The following EPHA3 variants were observed in gnomAD, a reference collection of about 807,000 sequenced individuals.
The protein encoded by EPHA3 is ephrin type-A receptor 3.
In EPHA3, 42 loss-of-function variants were observed where a neutral mutation model predicts 107.1. That is an observed-to-expected ratio of 0.39 (90% confidence interval 0.31 to 0.51). The LOEUF is 0.51. Among genes scored for constraint, EPHA3 ranks in the 20% least tolerant of loss-of-function variants. The probability of loss-of-function intolerance (pLI) is 0.78; values close to 1 mark genes in which losing one functional copy is unlikely to be tolerated. For missense variants in EPHA3, 1,183 were observed against 1,211.2 expected (o/e 0.98, Z 0.35); for synonymous variants, 461 against 424.8 (o/e 1.09, Z -1.05).
intron 3 of EPHA3, among the ~76,000 whole-genome samples, chr3:89,326,841 G>GT (rs1455532215): frequency 3.6e-4 from 55 of 151,772 alleles, no homozygotes; most frequent in Admixed American, 3.6e-3. Context: ...TCCTCTTTCT[G>GT]TTTTTTTAAT....
intron 3 of EPHA3, among the ~76,000 whole-genome samples, chr3:89,253,941 AG>A (rs1480048293): frequency 1.3e-5 from 2 of 152,054 alleles, no homozygotes; most frequent in African/African-American, 4.8e-5. Context: ...TGTAAGTTTT[AG>A]GGCATAAAAA....
In EPHA3 at chr3:89,394,729, GT is replaced by G. The variant is rs545881347; in HGVS notation, c.1307-1106del. 2.6e-5 allele frequency among the ~76,000 whole-genome samples: 4 copies of G among 152,270 alleles called. 1 individual carries two copies. In the South Asian group the frequency reaches 8.3e-4, roughly 32 times the overall value. ...CTTGTGGGAAATACAAATACATGAG[GT>G]TCTTATGGTCCTTGATTTGAGAAAA... On this transcript the variant is annotated intron_variant, in intron 5 of 16. Transcript: ENST00000336596.
intron 3 of EPHA3, among the ~76,000 whole-genome samples, chr3:89,228,871 C>G (rs1357512038): frequency 6.6e-6 from 1 of 151,842 alleles, no homozygotes; most frequent in Non-Finnish European, 1.5e-5. Context: ...ACTAAAGATT[C>G]ACAGAGACTT....
chr3:89,399,798 C>T (rs1382950181), intron 7 of EPHA3: 2 of 1,114,782 alleles, frequency 1.8e-6, no homozygotes, highest in Non-Finnish European at 2.2e-6. Flanking sequence ...CAGTGTCTGT[C>T]ATTTCAGATA....
intron 5 of EPHA3, among the ~76,000 whole-genome samples, chr3:89,361,116 G>A (rs1708082305): frequency 6.6e-6 from 1 of 150,866 alleles, no homozygotes; most frequent in Non-Finnish European, 1.5e-5. Context: ...TTTACCTAGA[G>A]TGCACATATG....
intron 15 of EPHA3, among the ~76,000 whole-genome samples, chr3:89,456,178 C>T (rs1212337299): frequency 6.6e-6 from 1 of 152,112 alleles, no homozygotes; most frequent in Non-Finnish European, 1.5e-5. Flanking sequence ...GACCTGTTCT[C>T]CTAAGCAAAA....
chr3:89,369,842 A>T (rs534559884), intron 5 of EPHA3, among the ~76,000 whole-genome samples: 414 of 149,992 alleles, frequency 2.8e-3, no homozygotes, highest in South Asian at 8.4e-3. Flanking sequence ...AAAAAGTGGG[A>T]AAAGGACATG....
At chr3:89,387,441 G>A (rs887523211) in intron 5 of EPHA3, among the ~76,000 whole-genome samples, 8 of 152,160 alleles carry the variant, frequency 5.3e-5, no homozygotes. Context: ...TATCATGATT[G>A]TAAGTTTCTT....
At chr3:89,447,391 T>G (rs370059012) in intron 13 of EPHA3, among the ~76,000 whole-genome samples, 2 of 152,270 alleles carry the variant, frequency 1.3e-5, no homozygotes, top group African/African-American at 4.8e-5. Context: ...GTTTCTTGCA[T>G]TCTTCATGAC....
At chr3:89,356,467 C>G (rs1252469241) in intron 5 of EPHA3, among the ~76,000 whole-genome samples, 1 of 151,218 alleles carries the variant, frequency 6.6e-6, no homozygotes, top group Non-Finnish European at 1.5e-5. Context: ...AAAAGTGTTC[C>G]TATTTCTCCA....
chr3:89,346,706 G>C (rs934499353), intron 5 of EPHA3, among the ~76,000 whole-genome samples: 10 of 150,800 alleles, frequency 6.6e-5, no homozygotes, highest in Admixed American at 6.0e-4. Context: ...CCTATGTCCT[G>C]AATGGTATTG....
At chr3:89,390,491 T>C (rs1708704731) in intron 5 of EPHA3, among the ~76,000 whole-genome samples, 3 of 151,310 alleles carry the variant, frequency 2.0e-5, no homozygotes, top group South Asian at 4.2e-4. Context: ...TCCCAGCTAC[T>C]CGGGAGGTTG....
intron 1 of EPHA3, among the ~76,000 whole-genome samples, chr3:89,119,633 A>G (rs1029635918): frequency 6.6e-6 from 1 of 152,144 alleles, no homozygotes; most frequent in Non-Finnish European, 1.5e-5. Context: ...GATTTTAGAC[A>G]ATCCAGATAT....
chr3:89,309,629 C>A (rs963168602), intron 3 of EPHA3, among the ~76,000 whole-genome samples: 2 of 152,104 alleles, frequency 1.3e-5, no homozygotes, highest in Non-Finnish European at 2.9e-5. Context: ...CTAAGCGTAG[C>A]TAGATTAATC....
chr3:89,417,708 T>C (rs1183532026), intron 10 of EPHA3, among the ~76,000 whole-genome samples: 1 of 151,450 alleles, frequency 6.6e-6, no homozygotes, highest in African/African-American at 2.4e-5. Context: ...ACTATAGCTG[T>C]AGATATCATT....
At chr3:89,291,270 A>C (rs1289611474) in intron 3 of EPHA3, among the ~76,000 whole-genome samples, 1 of 152,150 alleles carries the variant, frequency 6.6e-6, no homozygotes, top group East Asian at 1.9e-4. Context: ...GGATTTTATG[A>C]GTCAGATTAT....
At chr3:89,379,162 T>C (rs1178483967) in intron 5 of EPHA3, among the ~76,000 whole-genome samples, 1 of 152,204 alleles carries the variant, frequency 6.6e-6, no homozygotes, top group African/African-American at 2.4e-5. Context: ...TTGTGAGGTA[T>C]AAAGTTATTT....
At chr3:89,306,466 G>A (rs1687817528) in intron 3 of EPHA3, among the ~76,000 whole-genome samples, 1 of 152,136 alleles carries the variant, frequency 6.6e-6, no homozygotes, top group Admixed American at 6.6e-5. Flanking sequence ...TGTTAACAGT[G>A]GCTTTCAGAA....
chr3:89,302,663 T>TA (rs1706519311), intron 3 of EPHA3, among the ~76,000 whole-genome samples: 4 of 152,156 alleles, frequency 2.6e-5, no homozygotes, highest in African/African-American at 4.8e-5. Context: ...AAGATATCTT[T>TA]AAAAAATCTT....
Sources: allele counts gnomAD v4.1 joint callset (sites outside exome capture counted in the v4.1 genomes callset), GRCh38; gene constraint gnomAD v4.1.1; transcripts MANE v1.5; gene names NCBI Gene and HGNC (gene_info 2026-07-23, HGNC 2026-07-21).